The following CHD6 variants were observed in gnomAD, a reference collection of about 807,000 sequenced individuals.
CHD6 encodes the protein chromodomain helicase DNA binding protein 6, also known as ATP-dependent chromatin remodeler CHD6.
CHD6 carries 50 observed loss-of-function variants against 276.9 expected under a neutral mutation model. The observed-to-expected ratio is 0.18, with a 90% CI of 0.14 to 0.23. The LOEUF (loss-of-function observed/expected upper bound fraction) is 0.23. Among genes scored for constraint, CHD6 ranks in the 10% least tolerant of loss-of-function variants. The pLI, the probability that CHD6 is intolerant of heterozygous loss-of-function variation, is 1.00. For synonymous variants in CHD6, 1,173 were observed against 1,229.3 expected (o/e 0.95, Z 0.96); for missense variants, 2,564 against 3,365.8 (o/e 0.76, Z 5.89).
At position 41,426,090 on chromosome 20, in the gene CHD6, C is replaced by T; in HGVS notation, c.4129+3G>A. The T allele has an allele frequency of 6.2e-7, 1 of 1,603,292 alleles. No homozygotes were observed. Among genetic ancestry groups the T allele is most frequent in the Non-Finnish European group, 8.5e-7 (1 of 1,170,094 alleles). On this transcript the variant is annotated splice_donor_region_variant and intron_variant, in intron 28 of 36. Coordinates refer to ENST00000373233, the MANE Select transcript of CHD6 (RefSeq NM_032221.5). The stretch of plus-strand genomic sequence containing the variant: ...CTATGCCTTCAGAAGGACATAGTCT[C>T]ACCTGCCCGGCTGTCATCCTTCTTT...
chr20:41,504,398 ATTTTCTTTT>A (rs1484457350), intron 5 of CHD6, among the ~76,000 whole-genome samples: 2 of 95,328 alleles, frequency 2.1e-5, no homozygotes, highest in African/African-American at 8.0e-5. Context: ...CTTTTCCTCT[ATTTTCTTTT>A]TTTTTTTTTT....
In CHD6 at chr20:41,421,133, G is replaced by A. The variant is rs770311567; in HGVS notation, c.5502C>T (p.Ser1834=). The change falls in exon 31 of 37, where the codon TCC becomes TCT. Residue 1834 remains serine, a synonymous_variant. Transcript: ENST00000373233. The stretch of plus-strand genomic sequence containing the variant: ...GCTGATCTGATGACAGGTTTCTTTT[G>A]GAGTCACAGACACTAAGACTGCACA... ...VDMCSLSVCD[S]KRNLSSDQQL... 1 of 1,613,994 alleles carries A rather than the reference G, an allele frequency of 6.2e-7. No homozygotes were observed.
intron 17 of CHD6, among the ~76,000 whole-genome samples, chr20:41,465,576 G>GA (rs1463364076): frequency 1.3e-5 from 2 of 151,610 alleles, no homozygotes; most frequent in Non-Finnish European, 2.9e-5. Context: ...TACTGGGCCA[G>GA]AAAAAAAATA....
intron 36 of CHD6, among the ~76,000 whole-genome samples, chr20:41,406,622 A>C (rs1259125431): frequency 6.6e-6 from 1 of 152,248 alleles, no homozygotes. Context: ...CACTGCAATT[A>C]CGATGGATCT....
At chr20:41,461,502 T>C (rs2048547012) in intron 17 of CHD6, among the ~76,000 whole-genome samples, 2 of 152,190 alleles carry the variant, frequency 1.3e-5, no homozygotes, top group African/African-American at 4.8e-5. Context: ...TGAGATCTGA[T>C]GGGCTCATCA....
chr20:41,413,962 T>A (rs1276990585), intron 34 of CHD6: 1 of 153,188 alleles, frequency 6.5e-6, no homozygotes, highest in Admixed American at 6.5e-5. Context: ...ATGCCTATAA[T>A]GGGGTCTATA....
chr20:41,428,276 A>G (rs148575367), intron 27 of CHD6, among the ~76,000 whole-genome samples: 138 of 152,366 alleles, frequency 9.1e-4, no homozygotes, highest in African/African-American at 3.2e-3. Context: ...GTTTGTTAGT[A>G]GCTCAAGTGA....
At chr20:41,492,503 A>G (rs2043578921) in intron 10 of CHD6, among the ~76,000 whole-genome samples, 1 of 152,242 alleles carries the variant, frequency 6.6e-6, no homozygotes, top group Non-Finnish European at 1.5e-5. Context: ...AATAATATTA[A>G]TAAGGAACTG....
intron 1 of CHD6, among the ~76,000 whole-genome samples, chr20:41,560,396 G>C (rs1338930089): frequency 6.6e-6 from 1 of 152,170 alleles, no homozygotes; most frequent in African/African-American, 2.4e-5. Flanking sequence ...GCCCTGCCTT[G>C]TGTGGTCTCA....
chr20:41,595,431 A>C (rs2045707773), intron 1 of CHD6, among the ~76,000 whole-genome samples: 1 of 152,078 alleles, frequency 6.6e-6, no homozygotes, highest in Admixed American at 6.5e-5. Flanking sequence ...GCTAAGAGGG[A>C]CCTAAATTCC....
chr20:41,503,716 C>T (rs886262727), intron 5 of CHD6, among the ~76,000 whole-genome samples: 1 of 151,938 alleles, frequency 6.6e-6, no homozygotes, highest in African/African-American at 2.4e-5. Flanking sequence ...AATTTTTGGT[C>T]ATTAGTTATA....
At chr20:41,409,422 TTCTA>T (rs939825332) in intron 36 of CHD6, among the ~76,000 whole-genome samples, 9 of 152,160 alleles carry the variant, frequency 5.9e-5, no homozygotes, top group African/African-American at 2.2e-4. Flanking sequence ...CAAATCTGCT[TTCTA>T]TCTAATTGCA....
chr20:41,618,104 A>G (rs2045953534), intron 1 of CHD6, among the ~76,000 whole-genome samples: 1 of 149,150 alleles, frequency 6.7e-6, no homozygotes. Context: ...CTGGCGTGGC[A>G]GAGGCCGCCC....
chr20:41,451,599 T>C (rs544088579), intron 22 of CHD6, among the ~76,000 whole-genome samples: 1 of 152,302 alleles, frequency 6.6e-6, no homozygotes, highest in South Asian at 2.1e-4. Context: ...CAGGACCAGA[T>C]GTGGGAAACT....
intron 23 of CHD6, among the ~76,000 whole-genome samples, chr20:41,449,187 A>G (rs73611275): frequency 0.038 from 5,710 of 152,242 alleles, 133 homozygotes; most frequent in South Asian, 0.055. Flanking sequence ...ATAGGCGTGA[A>G]CCACTGCACC....
chr20:41,565,219 C>T (rs970342497), intron 1 of CHD6, among the ~76,000 whole-genome samples: 7 of 151,914 alleles, frequency 4.6e-5, no homozygotes, highest in African/African-American at 1.7e-4. Flanking sequence ...CCTCAGCCTC[C>T]CGAGTAGCTG....
intron 1 of CHD6, chr20:41,564,227 G>A (rs1045547791): frequency 1.4e-5 from 8 of 581,112 alleles, no homozygotes; most frequent in South Asian, 4.7e-5. Flanking sequence ...GTTTTGGGGC[G>A]CTAAAAATGA....
chr20:41,499,908 T>G (rs1323745617), intron 5 of CHD6, among the ~76,000 whole-genome samples: 2 of 152,202 alleles, frequency 1.3e-5, no homozygotes, highest in Admixed American at 1.3e-4. Context: ...TCTATTAAAT[T>G]GTACCATCTT....
chr20:41,609,597 C>T (rs1442239120), intron 1 of CHD6, among the ~76,000 whole-genome samples: 1 of 152,118 alleles, frequency 6.6e-6, no homozygotes, highest in Non-Finnish European at 1.5e-5. Flanking sequence ...CACTGGCAGC[C>T]CTATCCGTGA....
Sources: gnomAD v4.1 joint callset for allele counts (sites outside exome capture counted in the v4.1 genomes callset) on GRCh38, gnomAD v4.1.1 for gene constraint, MANE v1.5 for transcripts, NCBI Gene and HGNC (gene_info 2026-07-23, HGNC 2026-07-21) for gene names.